The following RABL3 variants were observed in gnomAD, a reference collection of about 807,000 sequenced individuals.
RABL3 encodes the protein rab-like protein 3.
A neutral mutation model predicts 31.8 loss-of-function variants in RABL3; 31 were observed. The observed-to-expected ratio is 0.97, with a 90% CI of 0.73 to 1.31. RABL3 has a LOEUF of 1.31. RABL3 is among the 40% of genes most tolerant of loss of function. The pLI, the probability that RABL3 is intolerant of heterozygous loss-of-function variation, is 0.00. For synonymous variants in RABL3, 97 were observed against 99.9 expected (o/e 0.97, Z 0.18); for missense variants, 263 against 279.6 (o/e 0.94, Z 0.42).
intron 2 of RABL3, among the ~76,000 whole-genome samples, chr3:120,725,983 T>G (rs1288872626): frequency 2.0e-5 from 3 of 151,996 alleles, no homozygotes; most frequent in Non-Finnish European, 4.4e-5. Flanking sequence ...TTAAAAAAAT[T>G]TTTTAACATT....
rs1708354258 is a variant in RABL3, at chr3:120,689,509, G to A, written c.*314C>T. On this transcript the variant is annotated 3_prime_UTR_variant, in exon 8 of 8. Transcript: ENST00000273375. ...ACCCATAAAAACCCTCCAGTTCTAG[G>A]CAAGAGTAAATTTTCTCTGCAGTAC... 1 of 213,154 alleles carries A rather than the reference G, an allele frequency of 4.7e-6. No homozygotes were observed. Among genetic ancestry groups the A allele is most frequent in the Non-Finnish European group, 9.3e-6 (1 of 107,978 alleles). The allele number at this position is 213,154 out of a possible 1,614,324, so 13.2% of individuals were successfully genotyped here.
chr3:120,717,268 C>CA (rs1179742913), intron 2 of RABL3, among the ~76,000 whole-genome samples: 240 of 103,298 alleles, frequency 2.3e-3, no homozygotes, highest in Admixed American at 4.7e-3. Flanking sequence ...TCAAAAAAAA[C>CA]AAAAAAAAAA....
At chr3:120,701,132 T>C (rs1449775204) in intron 4 of RABL3, among the ~76,000 whole-genome samples, 1 of 152,130 alleles carries the variant, frequency 6.6e-6, no homozygotes, top group Non-Finnish European at 1.5e-5. Flanking sequence ...TCTTATACAA[T>C]AGGAGGTATA....
At chr3:120,742,124 A>G (rs1178216598) in intron 1 of RABL3, among the ~76,000 whole-genome samples, 1 of 151,240 alleles carries the variant, frequency 6.6e-6, no homozygotes, top group African/African-American at 2.4e-5. Flanking sequence ...TGTACCCTTA[A>G]CATAGAACCC....
At chr3:120,741,490 G>A (rs933214490) in intron 1 of RABL3, among the ~76,000 whole-genome samples, 8 of 152,232 alleles carry the variant, frequency 5.3e-5, no homozygotes, top group African/African-American at 1.9e-4. Flanking sequence ...ATGCTCTTAG[G>A]CCAACTCCAG....
At chr3:120,698,788 C>G (rs1708465820) in intron 4 of RABL3, among the ~76,000 whole-genome samples, 1 of 152,188 alleles carries the variant, frequency 6.6e-6, no homozygotes. Flanking sequence ...TCTAACTTCT[C>G]AAAATTTGGT....
chr3:120,742,096 C>G (rs1481903498), intron 1 of RABL3, among the ~76,000 whole-genome samples: 1 of 151,888 alleles, frequency 6.6e-6, no homozygotes, highest in Non-Finnish European at 1.5e-5. Flanking sequence ...CTCTTGAAGG[C>G]ACGGTCCTAC....
chr3:120,740,298 A>G (rs945608337), intron 1 of RABL3, among the ~76,000 whole-genome samples: 3 of 152,126 alleles, frequency 2.0e-5, no homozygotes, highest in Non-Finnish European at 4.4e-5. Flanking sequence ...GTCTCACTCT[A>G]TCACCCAGGC....
At chr3:120,713,301 T>C (rs902747655) in intron 2 of RABL3, among the ~76,000 whole-genome samples, 1 of 152,248 alleles carries the variant, frequency 6.6e-6, no homozygotes, top group Non-Finnish European at 1.5e-5. Context: ...ATAAGGTGTC[T>C]TCTTTCCTTT....
At chr3:120,723,040 T>C (rs1309263977) in intron 2 of RABL3, among the ~76,000 whole-genome samples, 1 of 152,116 alleles carries the variant, frequency 6.6e-6, no homozygotes, top group Non-Finnish European at 1.5e-5. Flanking sequence ...ACAAAATTGA[T>C]AGACCGCTAG....
In RABL3 at chr3:120,692,384, G is replaced by A. The variant is rs528629712; in HGVS notation, c.606+1769C>T. 4.0e-5 allele frequency among the ~76,000 whole-genome samples: 6 copies of A among 149,920 alleles called. No individual in the cohort carries two copies. The South Asian group carries it at 8.3e-4, about 21-fold the overall frequency. On this transcript the variant is annotated intron_variant, in intron 6 of 7. Transcript: ENST00000273375. Reference sequence around the variant, plus strand: ...CAGCTAATTTTTTGTATTTTTACTAGAGATGGGGTTTCACCATGCTAGCCA... The same window carrying A: ...CAGCTAATTTTTTGTATTTTTACTAAAGATGGGGTTTCACCATGCTAGCCA...
At chr3:120,735,431 G>T (rs1708946472) in intron 1 of RABL3, among the ~76,000 whole-genome samples, 1 of 144,200 alleles carries the variant, frequency 6.9e-6, no homozygotes, top group Non-Finnish European at 1.6e-5. Context: ...TGATTCTTCT[G>T]TCTTGTCTTC....
At position 120,730,738 on chromosome 3, in the gene RABL3, C is replaced by T. The variant is rs753837699; in HGVS notation, c.96G>A (p.Leu32=). ...AGCCCACAGTCCATGATGGATTTCCCAGCACTTGATTTTGGCATAGGAGAT... is the reference window on the plus strand; with the variant it reads ...AGCCCACAGTCCATGATGGATTTCCTAGCACTTGATTTTGGCATAGGAGAT... ...LVHLLCQNQV[L]GNPSWTVGCS... is the part of the protein sequence containing the mutation. Residue 32 remains leucine (L), a synonymous_variant, in exon 2 of 8, where the codon CTG becomes CTA. Coordinates refer to ENST00000273375, the MANE Select transcript of RABL3 (RefSeq NM_173825.5). 37 of 1,613,824 alleles carry T rather than the reference C, an allele frequency of 2.3e-5. No individual in the cohort carries two copies. Among genetic ancestry groups the T allele is most frequent in the Non-Finnish European group, 3.1e-5 (37 of 1,179,908 alleles).
intron 2 of RABL3, among the ~76,000 whole-genome samples, chr3:120,710,757 C>T (rs983926196): frequency 1.3e-5 from 2 of 152,114 alleles, no homozygotes; most frequent in African/African-American, 4.8e-5. Flanking sequence ...AGCATACAAA[C>T]ATGGCATAAT....
intron 1 of RABL3, among the ~76,000 whole-genome samples, chr3:120,738,182 T>A (rs1708995830): frequency 6.6e-6 from 1 of 152,234 alleles, no homozygotes; most frequent in Non-Finnish European, 1.5e-5. Flanking sequence ...CCTCTTTGTT[T>A]ACTTACTCAA....
At chr3:120,704,159 A>G (rs1269907289) in intron 4 of RABL3, among the ~76,000 whole-genome samples, 1 of 152,222 alleles carries the variant, frequency 6.6e-6, no homozygotes, top group Non-Finnish European at 1.5e-5. Context: ...CCTCAACAAA[A>G]TATTAGCAAA....
chr3:120,737,945 G>A (rs975748996), intron 1 of RABL3, among the ~76,000 whole-genome samples: 2 of 152,214 alleles, frequency 1.3e-5, no homozygotes, highest in African/African-American at 2.4e-5. Context: ...CTACTGGAGG[G>A]TGCCTCCCAG....
chr3:120,691,071 T>C (rs1708374725), intron 6 of RABL3, among the ~76,000 whole-genome samples: 1 of 152,142 alleles, frequency 6.6e-6, no homozygotes, highest in Non-Finnish European at 1.5e-5. Flanking sequence ...CAGAATTACC[T>C]GCATTTGATA....
chr3:120,733,462 C>T (rs977663383), intron 1 of RABL3, among the ~76,000 whole-genome samples: 1 of 151,986 alleles, frequency 6.6e-6, no homozygotes, highest in East Asian at 1.9e-4. Context: ...GATATTAGCC[C>T]TTTGTCAGAT....
Sources: allele counts gnomAD v4.1 joint callset (sites outside exome capture counted in the v4.1 genomes callset), GRCh38; gene constraint gnomAD v4.1.1; transcripts MANE v1.5; gene names NCBI Gene and HGNC (gene_info 2026-07-23, HGNC 2026-07-21).